The following TBC1D30 variants were observed in gnomAD, a reference collection of about 807,000 sequenced individuals.
TBC1D30 encodes TBC1 domain family member 30, also known as TBC1 domain family, member 30.
Under a neutral mutation model 63.2 loss-of-function variants are expected in TBC1D30, and 31 were observed. The observed-to-expected ratio is 0.49, with a 90% CI of 0.37 to 0.66. The LOEUF is 0.66. Ranked by LOEUF, TBC1D30 falls within the 30% of genes least tolerant of loss-of-function variation. TBC1D30 has a pLI of 0.00. For synonymous variants in TBC1D30, 307 were observed against 361.5 expected (o/e 0.85, Z 1.71); for missense variants, 810 against 953.6 (o/e 0.85, Z 1.98).
intron 11 of TBC1D30, among the ~76,000 whole-genome samples, chr12:64,871,714 A>G (rs540819488): frequency 2.0e-5 from 3 of 152,378 alleles, no homozygotes; most frequent in South Asian, 4.1e-4. Context: ...TCCTTAAAAC[A>G]AATCTATGAG....
intron 1 of TBC1D30, among the ~76,000 whole-genome samples, chr12:64,765,490 C>CAAAAA (rs60489979): frequency 0.058 from 1,015 of 17,574 alleles, 261 homozygotes; most frequent in Non-Finnish European, 0.078. Context: ...AGACTGTCTC[C>CAAAAA]AAAAAAAAAA....
intron 2 of TBC1D30, among the ~76,000 whole-genome samples, chr12:64,802,375 C>T (rs1040515504): frequency 5.3e-5 from 8 of 152,152 alleles, no homozygotes; most frequent in African/African-American, 1.9e-4. Flanking sequence ...CCACATTTTG[C>T]TGCTGTTACC....
chr12:64,823,573 TG>T (rs1874024412), upstream of TBC1D30, among the ~76,000 whole-genome samples: 1 of 152,214 alleles, frequency 6.6e-6, no homozygotes, highest in Non-Finnish European at 1.5e-5. Context: ...GACATCCTCC[TG>T]CCTTGACTTC....
intron 11 of TBC1D30, among the ~76,000 whole-genome samples, chr12:64,874,654 T>G (rs1226384395): frequency 1.3e-5 from 2 of 152,124 alleles, no homozygotes; most frequent in Non-Finnish European, 2.9e-5. Flanking sequence ...CTGCAAAGAT[T>G]TTTCTAAGTA....
At chr12:64,854,604 C>T (rs1877146949) in intron 8 of TBC1D30, among the ~76,000 whole-genome samples, 1 of 151,684 alleles carries the variant, frequency 6.6e-6, no homozygotes, top group South Asian at 2.1e-4. Context: ...ATGCCATTCT[C>T]CTGCCTCAGC....
rs1168978191 is a variant in TBC1D30, at chr12:64,874,961, T to C, written c.1499-40T>C. 16 of 1,497,104 alleles carry C rather than the reference T, an allele frequency of 1.1e-5. No individual in the cohort carries two copies. In the East Asian group the frequency reaches 3.4e-4, roughly 32 times the overall value. 92.7% of individuals were successfully genotyped at this position (1,497,104 alleles called of 1,614,324 possible). A position where few individuals can be genotyped will look rare whatever the true frequency, so the allele number is the denominator to read the frequency against. ...TCTGTTCCAAGATGGATGTGTTTCT[T>C]TGTGGTACACTTCATACTACCTTTC... is the stretch of plus-strand genomic sequence containing the variant. On this transcript the variant is annotated intron_variant, in intron 11 of 11. Coordinates refer to ENST00000539867, the MANE Select transcript of TBC1D30 (RefSeq NM_015279.2).
At chr12:64,838,926 A>G in intron 7 of TBC1D30, 75 bp downstream of exon 7, 3 of 1,322,552 alleles carry the variant, frequency 2.3e-6, no homozygotes, top group Non-Finnish European at 3.1e-6. Context: ...TAACGTGTAA[A>G]GCAATATTTA....
chr12:64,762,207 C>G (rs915626246), intron 1 of TBC1D30, among the ~76,000 whole-genome samples: 2 of 152,158 alleles, frequency 1.3e-5, no homozygotes, highest in Non-Finnish European at 2.9e-5. Context: ...AGGTTCTGAG[C>G]TGGTGCATTG....
At chr12:64,867,017 A>T in intron 10 of TBC1D30, 114 bp downstream of exon 10, 1 of 1,221,920 alleles carries the variant, frequency 8.2e-7, no homozygotes, top group South Asian at 1.6e-5. Context: ...ACAACTATTA[A>T]AAGTCTTTAT....
chr12:64,832,012 T>A (rs540969230), intron 4 of TBC1D30, 107 bp from the exon 5 acceptor site: 6 of 1,149,628 alleles, frequency 5.2e-6, no homozygotes, highest in East Asian at 2.6e-5. Flanking sequence ...TTTAAAAAAA[T>A]TTTATGTCGA....
chr12:64,828,016 A>G, intron 2 of TBC1D30, 120 bp downstream of exon 2: 2 of 728,054 alleles, frequency 2.7e-6, no homozygotes, highest in Non-Finnish European at 4.4e-6. Context: ...TCACTTCAAC[A>G]ATATTTCAGT....
chr12:64,863,715 G>A lies in TBC1D30; in HGVS notation c.1039-953G>A, dbSNP rs145693232. Among the ~76,000 whole-genome samples, 9 of 152,302 alleles carry A rather than the reference G, an allele frequency of 5.9e-5. No homozygotes were observed. The East Asian group carries it at 1.5e-3, about 26-fold the overall frequency. ...TGGCACTAAGCTATAAAATGAAGAAGCATCACAATCAAACTCCTTTCACAG... is the reference window on the plus strand; with the variant it reads ...TGGCACTAAGCTATAAAATGAAGAAACATCACAATCAAACTCCTTTCACAG... On this transcript the variant is annotated intron_variant, in intron 8 of 11. Transcript: ENST00000539867.
rs534926172 is a variant in TBC1D30 at position 64,876,143 on chromosome 12, C to T, written c.*355C>T. ...GGCCTTCAGAGTCCCTGTGACAGCACCCCCAAACCTTCCAGTTCTCTGGGT... is the reference window on the plus strand; with the variant it reads ...GGCCTTCAGAGTCCCTGTGACAGCATCCCCAAACCTTCCAGTTCTCTGGGT... On this transcript the variant is annotated 3_prime_UTR_variant, in exon 12 of 12. Transcript: ENST00000539867. 2.2e-4 allele frequency: 45 copies of T among 204,484 alleles called. No homozygotes were observed. Among genetic ancestry groups the T allele is most frequent in the Non-Finnish European group, 3.7e-4 (38 of 102,036 alleles). 12.7% of individuals were successfully genotyped at this position (204,484 alleles called of 1,614,324 possible). A position where few individuals can be genotyped will look rare whatever the true frequency, so the allele number is the denominator to read the frequency against.
At chr12:64,860,759 A>C (rs894258586) in intron 8 of TBC1D30, among the ~76,000 whole-genome samples, 3 of 152,186 alleles carry the variant, frequency 2.0e-5, no homozygotes, top group African/African-American at 4.8e-5. Flanking sequence ...CATGTTAGAG[A>C]GAGGAAACTA....
chr12:64,824,499 T>A (rs1565658311), upstream of TBC1D30: 1 of 198,062 alleles, frequency 5.0e-6, no homozygotes, highest in Non-Finnish European at 1.0e-5. Flanking sequence ...GCTCCCTGTC[T>A]CTGGCGCTTC....
At chr12:64,870,929 G>A in intron 11 of TBC1D30, 121 bp downstream of exon 11, 1 of 914,940 alleles carries the variant, frequency 1.1e-6, no homozygotes, top group South Asian at 1.6e-5. Context: ...CAACACAGCT[G>A]GCATGACATA....
chr12:64,800,977 G>A (rs1183742013), intron 2 of TBC1D30, among the ~76,000 whole-genome samples: 1 of 152,164 alleles, frequency 6.6e-6, no homozygotes, highest in Non-Finnish European at 1.5e-5. Context: ...TTCTGGAGGT[G>A]AGACGGATGA....
intron 2 of TBC1D30, among the ~76,000 whole-genome samples, chr12:64,793,096 T>C (rs886732889): frequency 1.3e-5 from 2 of 152,016 alleles, no homozygotes; most frequent in African/African-American, 2.4e-5. Flanking sequence ...TCCTATTACT[T>C]TGGGAGGCTG....
intron 1 of TBC1D30, among the ~76,000 whole-genome samples, chr12:64,766,646 A>C (rs1870724575): frequency 6.6e-6 from 1 of 152,224 alleles, no homozygotes; most frequent in South Asian, 2.1e-4. Context: ...AGCTAGGCAG[A>C]AGATGAACAA....
Sources: allele counts gnomAD v4.1 joint callset (sites outside exome capture counted in the v4.1 genomes callset), GRCh38; gene constraint gnomAD v4.1.1; transcripts MANE v1.5; gene names NCBI Gene and HGNC (gene_info 2026-07-23, HGNC 2026-07-21).